LRBA: variants seen among roughly 807,000 people sequenced by gnomAD.
The protein encoded by LRBA is lipopolysaccharide-responsive and beige-like anchor protein.
In LRBA, 176 loss-of-function variants were observed where a neutral mutation model predicts 330.0. That is an observed-to-expected ratio of 0.53 (90% CI 0.47 to 0.60). The LOEUF (loss-of-function observed/expected upper bound fraction) is 0.60, where lower values mean the gene tolerates loss of function less well. LRBA is among the 20% of genes least tolerant of loss of function. The probability of loss-of-function intolerance (pLI) is 0.00; values close to 1 mark genes in which losing one functional copy is unlikely to be tolerated. For synonymous variants in LRBA, 1,230 were observed against 1,193.0 expected, an observed-to-expected ratio of 1.03 and a Z score of -0.64; for missense variants, 3,259 against 3,444.8, an observed-to-expected ratio of 0.95 and a Z score of 1.35.
intron 17 of LRBA, among the ~76,000 whole-genome samples, chr4:150,875,609 G>A (rs948167824): frequency 1.3e-5 from 2 of 152,228 alleles, no homozygotes; most frequent in African/African-American, 4.8e-5. Context: ...GCTGACGGAA[G>A]TGTATAAAGC....
At chr4:150,747,692 T>A (rs1732942177) in intron 35 of LRBA, among the ~76,000 whole-genome samples, 1 of 152,220 alleles carries the variant, frequency 6.6e-6, no homozygotes, top group African/African-American at 2.4e-5. Flanking sequence ...TAGCACTTTC[T>A]TGGTTTTCCT....
At chr4:150,729,696 G>A (rs1442718161) in intron 36 of LRBA, among the ~76,000 whole-genome samples, 2 of 152,066 alleles carry the variant, frequency 1.3e-5, no homozygotes, top group African/African-American at 4.8e-5. Context: ...AAGCTATCCT[G>A]AGCAAAAAGA....
intron 32 of LRBA, among the ~76,000 whole-genome samples, chr4:150,806,821 T>C (rs1428836302): frequency 6.6e-6 from 1 of 152,082 alleles, no homozygotes; most frequent in Non-Finnish European, 1.5e-5. Flanking sequence ...TAGCATATAG[T>C]ATAGACTCAA....
chr4:150,891,974 C>G (rs1729518854), intron 17 of LRBA, among the ~76,000 whole-genome samples: 1 of 152,088 alleles, frequency 6.6e-6, no homozygotes, highest in Admixed American at 6.5e-5. Context: ...CGCCTGTAGT[C>G]CCAGCTACTC....
chr4:150,434,423 A>G (rs1750825144), intron 46 of LRBA, among the ~76,000 whole-genome samples: 1 of 152,248 alleles, frequency 6.6e-6, no homozygotes, highest in South Asian at 2.1e-4. Flanking sequence ...TGCTTTACTA[A>G]GCAAAATCAG....
intron 9 of LRBA, among the ~76,000 whole-genome samples, chr4:150,912,127 TA>T (rs952898914): frequency 1.4e-4 from 21 of 149,334 alleles, no homozygotes; most frequent in Admixed American, 4.0e-4. Flanking sequence ...GATGTTTAAT[TA>T]AAAAAAAAAC....
intron 34 of LRBA, among the ~76,000 whole-genome samples, chr4:150,795,228 A>G (rs191972188): frequency 3.5e-4 from 54 of 152,260 alleles, no homozygotes; most frequent in East Asian, 3.5e-3. Flanking sequence ...AACACTTTAT[A>G]TAATGCTGGA....
chr4:150,555,016 AG>A (rs1429709881), intron 40 of LRBA, among the ~76,000 whole-genome samples: 1 of 152,192 alleles, frequency 6.6e-6, no homozygotes, highest in African/African-American at 2.4e-5. Context: ...GATAGTTGTA[AG>A]GGTTAGATAA....
chr4:150,896,350 A>G, intron 16 of LRBA, 44 bp downstream of exon 16: 1 of 1,030,284 alleles, frequency 9.7e-7, no homozygotes, highest in Non-Finnish European at 1.5e-6. Context: ...AGTCTAATGT[A>G]GCTTCAAAAA....
chr4:150,567,308 T>C (rs1225773574), intron 40 of LRBA, among the ~76,000 whole-genome samples: 1 of 152,018 alleles, frequency 6.6e-6, no homozygotes, highest in African/African-American at 2.4e-5. Context: ...TTTTGAAAAT[T>C]AATGGGAAAA....
chr4:150,839,826 T>G (rs1241271823), intron 28 of LRBA, among the ~76,000 whole-genome samples: 1 of 151,768 alleles, frequency 6.6e-6, no homozygotes, highest in Non-Finnish European at 1.5e-5. Flanking sequence ...ACATGGCACA[T>G]GGATACATAT....
intron 40 of LRBA, among the ~76,000 whole-genome samples, chr4:150,516,217 C>T (rs13148042): frequency 0.38 from 11,213 of 29,166 alleles, 2,814 homozygotes; most frequent in Middle Eastern, 0.57. Flanking sequence ...TTTCTATTCT[C>T]TTTTTTTTTT....
At chr4:150,807,152 A>C (rs1742917280) in intron 32 of LRBA, among the ~76,000 whole-genome samples, 1 of 151,824 alleles carries the variant, frequency 6.6e-6, no homozygotes, top group Non-Finnish European at 1.5e-5. Context: ...AGATATCCAC[A>C]GCTTTAGTTT....
intron 47 of LRBA, among the ~76,000 whole-genome samples, chr4:150,411,762 T>C (rs1561137205): frequency 1.3e-5 from 2 of 152,092 alleles, no homozygotes; most frequent in Non-Finnish European, 2.9e-5. Context: ...GGAAATATGA[T>C]TAATGAGTAA....
chr4:150,862,436 A>G (rs1248677474), intron 22 of LRBA, among the ~76,000 whole-genome samples: 1 of 152,126 alleles, frequency 6.6e-6, no homozygotes, highest in Non-Finnish European at 1.5e-5. Flanking sequence ...AGGACAGAAA[A>G]CCAAACACTG....
At position 150,399,416 on chromosome 4, in the gene LRBA, T is replaced by C. The variant is rs150203007; in HGVS notation, c.7194+16022A>G. Among the ~76,000 whole-genome samples, 552 of 152,316 alleles carry C rather than the reference T, an allele frequency of 3.6e-3. 3 individuals carry two copies. Among genetic ancestry groups the C allele is most frequent in the Middle Eastern group, 0.01 (3 of 294 alleles). On this transcript the variant is annotated intron_variant, in intron 47 of 56. Coordinates refer to ENST00000651943, the MANE Select transcript of LRBA (RefSeq NM_001364905.1). Reference sequence around the variant, plus strand: ...ATTTTGGTTCTCTTCTGATACTTTTTGAAGACTCATCCATTTTTCATTCTT... The same window carrying C: ...ATTTTGGTTCTCTTCTGATACTTTTCGAAGACTCATCCATTTTTCATTCTT...
Position 150,767,833 on chromosome 4 carries a change from G to C in LRBA, c.5581-5986C>G, listed in dbSNP as rs530393736. On this transcript the variant is annotated intron_variant, in intron 34 of 56. Transcript: ENST00000651943. Reference sequence around the variant, plus strand: ...AATTCCAGCACTTTGGGAGGCCGAGGTGGGCAGACCAGGAGGTCAGGAGAT... The same window carrying C: ...AATTCCAGCACTTTGGGAGGCCGAGCTGGGCAGACCAGGAGGTCAGGAGAT... 2.6e-5 allele frequency among the ~76,000 whole-genome samples: 4 copies of C among 151,290 alleles called. No homozygotes were observed. The East Asian group carries it at 7.8e-4, about 29-fold the overall frequency.
At chr4:150,501,706 T>G (rs756501743) in intron 40 of LRBA, among the ~76,000 whole-genome samples, 17 of 151,734 alleles carry the variant, frequency 1.1e-4, no homozygotes, top group Non-Finnish European at 1.5e-4. Context: ...AACTACAACA[T>G]AAAAATTTTT....
chr4:150,996,132 G>C (rs561750584), intron 2 of LRBA, among the ~76,000 whole-genome samples: 1 of 151,056 alleles, frequency 6.6e-6, no homozygotes, highest in African/African-American at 2.4e-5. Context: ...TTTCAAACTT[G>C]GGCATTAATT....
Sources: gnomAD v4.1 joint callset for allele counts (sites outside exome capture counted in the v4.1 genomes callset) on GRCh38, gnomAD v4.1.1 for gene constraint, MANE v1.5 for transcripts, NCBI Gene and HGNC (gene_info 2026-07-23, HGNC 2026-07-21) for gene names.